UVRAG: variants seen among roughly 807,000 people sequenced by gnomAD.
UVRAG encodes the protein UV radiation resistance-associated gene protein.
A neutral mutation model predicts 78.0 loss-of-function variants in UVRAG; 19 were observed. The observed-to-expected ratio is 0.24, with a 90% confidence interval of 0.17 to 0.36. UVRAG has a LOEUF of 0.36. UVRAG is among the 10% of genes least tolerant of loss of function. The probability of loss-of-function intolerance (pLI) is 1.00; values close to 1 mark genes in which losing one functional copy is unlikely to be tolerated. For missense variants in UVRAG, 740 were observed against 853.8 expected, an observed-to-expected ratio of 0.87 and a Z score of 1.66; for synonymous variants, 323 against 324.6, an observed-to-expected ratio of 1.00 and a Z score of 0.05.
At chr11:75,982,696 A>G (rs1452881960) in intron 7 of UVRAG, among the ~76,000 whole-genome samples, 1 of 152,158 alleles carries the variant, frequency 6.6e-6, no homozygotes, top group Non-Finnish European at 1.5e-5. Context: ...AAACGTGGAA[A>G]TCTACTTTTT....
At chr11:76,108,365 A>G (rs573837645) in intron 13 of UVRAG, among the ~76,000 whole-genome samples, 1 of 152,338 alleles carries the variant, frequency 6.6e-6, no homozygotes, top group South Asian at 2.1e-4. Context: ...GAGGATGCTT[A>G]CTGGGTGCAA....
intron 1 of UVRAG, among the ~76,000 whole-genome samples, chr11:75,831,946 T>G (rs1945668258): frequency 6.6e-6 from 1 of 152,226 alleles, no homozygotes; most frequent in South Asian, 2.1e-4. Context: ...GAATATCTCA[T>G]GTAATTTACT....
chr11:75,827,649 A>G (rs1435442520), intron 1 of UVRAG, among the ~76,000 whole-genome samples: 1 of 152,096 alleles, frequency 6.6e-6, no homozygotes, highest in African/African-American at 2.4e-5. Context: ...ACTAATTCTG[A>G]GTGCAGGATA....
chr11:76,003,956 G>C, intron 8 of UVRAG, 49 bp from the exon 9 acceptor site: 1 of 1,554,462 alleles, frequency 6.4e-7, no homozygotes, highest in Non-Finnish European at 8.9e-7. Flanking sequence ...GGTTGTGATT[G>C]AGTAATCCTA....
At chr11:75,987,341 C>A (rs1275684144) in intron 8 of UVRAG, among the ~76,000 whole-genome samples, 2 of 152,128 alleles carry the variant, frequency 1.3e-5, no homozygotes, top group Non-Finnish European at 2.9e-5. Flanking sequence ...TCAAATTTAC[C>A]TAATGACTTA....
chr11:75,976,834 A>AT (rs1402018383), intron 7 of UVRAG, among the ~76,000 whole-genome samples: 1 of 151,776 alleles, frequency 6.6e-6, no homozygotes, highest in Non-Finnish European at 1.5e-5. Context: ...GGATTCATTG[A>AT]TTTTTTTGAA....
chr11:75,904,269 C>G (rs964006674), intron 5 of UVRAG, among the ~76,000 whole-genome samples: 1 of 152,188 alleles, frequency 6.6e-6, no homozygotes, highest in Admixed American at 6.5e-5. Flanking sequence ...TAGGCACTCA[C>G]CCAGACTTGT....
At chr11:76,008,100 C>G (rs1209269887) in intron 10 of UVRAG, among the ~76,000 whole-genome samples, 1 of 151,982 alleles carries the variant, frequency 6.6e-6, no homozygotes, top group Non-Finnish European at 1.5e-5. Flanking sequence ...TTTAGAGAGA[C>G]AGGGTTTCAC....
At chr11:75,839,691 T>C (rs1945863770) in intron 1 of UVRAG, among the ~76,000 whole-genome samples, 1 of 152,066 alleles carries the variant, frequency 6.6e-6, no homozygotes, top group Non-Finnish European at 1.5e-5. Context: ...CTATTGATAA[T>C]ACTTTAAACC....
At chr11:76,112,143 A>G (rs1278126328) in intron 13 of UVRAG, among the ~76,000 whole-genome samples, 1 of 152,154 alleles carries the variant, frequency 6.6e-6, no homozygotes, top group African/African-American at 2.4e-5. Context: ...GCTTATCACT[A>G]TGAAATTTCA....
intron 13 of UVRAG, among the ~76,000 whole-genome samples, chr11:76,087,801 GA>G (rs1951616860): frequency 6.6e-6 from 1 of 152,198 alleles, no homozygotes; most frequent in Non-Finnish European, 1.5e-5. Context: ...CAGCGGGCCT[GA>G]TTGTCAGGAC....
intron 13 of UVRAG, among the ~76,000 whole-genome samples, chr11:76,111,028 A>G (rs888553148): frequency 1.7e-4 from 26 of 151,894 alleles, no homozygotes; most frequent in Admixed American, 4.6e-4. Context: ...TAATTTTTGC[A>G]TTTTTAGTAG....
chr11:76,001,227 A>G (rs977147139), intron 8 of UVRAG, among the ~76,000 whole-genome samples: 1 of 152,228 alleles, frequency 6.6e-6, no homozygotes, highest in Non-Finnish European at 1.5e-5. Flanking sequence ...CACAATATAT[A>G]TATCATAAAC....
intron 13 of UVRAG, among the ~76,000 whole-genome samples, chr11:76,115,404 C>T (rs542919101): frequency 7.9e-5 from 12 of 152,144 alleles, no homozygotes; most frequent in Middle Eastern, 3.2e-3. Context: ...GTTTAATAAG[C>T]ATTGAATAAG....
At chr11:75,857,497 C>CTT (rs1555075376) in intron 2 of UVRAG, among the ~76,000 whole-genome samples, 3 of 147,786 alleles carry the variant, frequency 2.0e-5, no homozygotes, top group Non-Finnish European at 3.0e-5. Flanking sequence ...TTCCCCCCCC[C>CTT]TTTTTTTTTT....
intron 6 of UVRAG, among the ~76,000 whole-genome samples, chr11:75,959,665 T>G (rs1948872935): frequency 6.6e-6 from 1 of 152,258 alleles, no homozygotes; most frequent in African/African-American, 2.4e-5. Context: ...GTAGCACTTT[T>G]AATTTCCTTC....
At chr11:75,910,030 G>A (rs1279391447) in intron 5 of UVRAG, among the ~76,000 whole-genome samples, 2 of 152,296 alleles carry the variant, frequency 1.3e-5, no homozygotes, top group East Asian at 1.9e-4. Flanking sequence ...GGATTTGTGT[G>A]TGTGTGGGAA....
chr11:75,844,200 G>A (rs1052921852), intron 1 of UVRAG, among the ~76,000 whole-genome samples: 7 of 151,954 alleles, frequency 4.6e-5, no homozygotes, highest in South Asian at 4.2e-4. Context: ...GTATTCTACC[G>A]TTAAGTTTTA....
At chr11:75,860,644 GAAC>G (rs1228522950) in intron 2 of UVRAG, among the ~76,000 whole-genome samples, 2 of 152,098 alleles carry the variant, frequency 1.3e-5, no homozygotes, top group Non-Finnish European at 2.9e-5. Flanking sequence ...AAAATGAAAA[GAAC>G]AATACTTACG....
Sources: allele counts gnomAD v4.1 joint callset (sites outside exome capture counted in the v4.1 genomes callset), GRCh38; gene constraint gnomAD v4.1.1; transcripts MANE v1.5; gene names NCBI Gene and HGNC (gene_info 2026-07-23, HGNC 2026-07-21).